Variants in CDCA2 observed in about 807,000 individuals in gnomAD.
CDCA2 encodes cell division cycle associated 2.
In CDCA2, 44 loss-of-function variants were observed where a neutral mutation model predicts 67.0. That is an observed-to-expected ratio of 0.66 (90% confidence interval 0.52 to 0.84). The LOEUF (loss-of-function observed/expected upper bound fraction) is 0.84. Ranked by LOEUF, CDCA2 falls within the 40% of genes least tolerant of loss-of-function variation. The pLI, the probability that CDCA2 is intolerant of heterozygous loss-of-function variation, is 0.00. For synonymous variants in CDCA2, 447 were observed against 418.7 expected (o/e 1.07, Z -0.82); for missense variants, 1,253 against 1,203.2 (o/e 1.04, Z -0.61).
chr8:25,498,613 A>G (rs548527889), intron 13 of CDCA2, among the ~76,000 whole-genome samples: 2 of 152,040 alleles, frequency 1.3e-5, no homozygotes, highest in Non-Finnish European at 2.9e-5. Context: ...GTTTCCCCCA[A>G]TTGTGACATC....
intron 13 of CDCA2, among the ~76,000 whole-genome samples, chr8:25,491,727 C>G (rs1416652149): frequency 6.6e-6 from 1 of 152,014 alleles, no homozygotes; most frequent in African/African-American, 2.4e-5. Context: ...AGTGATCCTC[C>G]CACCTCAGCC....
At chr8:25,468,533 G>GTGTGTGTGTC (rs1803019574) in intron 6 of CDCA2, 120 bp downstream of exon 6, 2 of 328,748 alleles carry the variant, frequency 6.1e-6, no homozygotes, top group East Asian at 7.9e-5. Flanking sequence ...GGTTCCTGGG[G>GTGTGTGTGTC]TGTGTGTGTG....
chr8:25,486,802 G>A lies in CDCA2; in HGVS notation c.1445-444G>A, dbSNP rs1803795919. On this transcript the variant is annotated intron_variant, in intron 11 of 14. Coordinates refer to ENST00000330560, the MANE Select transcript of CDCA2 (RefSeq NM_152562.4). Reference sequence around the variant, plus strand: ...TGCACTCCAGCCTGGGTGACAGAGTGAGACTCCATCTCAAAAAAAACAAGT... The same window carrying A: ...TGCACTCCAGCCTGGGTGACAGAGTAAGACTCCATCTCAAAAAAAACAAGT... Among the ~76,000 whole-genome samples, 6 of 152,012 alleles carry A rather than the reference G, an allele frequency of 3.9e-5. No homozygotes were observed. In the South Asian group the frequency reaches 1.2e-3, roughly 32 times the overall value.
At chr8:25,498,082 T>C (rs970009882) in intron 13 of CDCA2, among the ~76,000 whole-genome samples, 4 of 151,986 alleles carry the variant, frequency 2.6e-5, no homozygotes, top group South Asian at 2.1e-4. Flanking sequence ...GGAGATCTTA[T>C]TGGGGTCCTG....
At chr8:25,483,921 T>C (rs368842546) in intron 9 of CDCA2, 45 bp from the exon 10 acceptor site, 25 of 1,536,716 alleles carry the variant, frequency 1.6e-5, no homozygotes, top group Non-Finnish European at 2.0e-5. Context: ...AGATAAGAAA[T>C]ATAGCTTAAT....
chr8:25,482,326 A>G (rs1803603051), intron 8 of CDCA2, among the ~76,000 whole-genome samples: 1 of 152,208 alleles, frequency 6.6e-6, no homozygotes, highest in East Asian at 1.9e-4. Flanking sequence ...ATGTTATACC[A>G]TTTAACTGTT....
Position 25,507,013 on chromosome 8 carries a change from A to T in CDCA2, c.2347A>T (p.Met783Leu), listed in dbSNP as rs753864764. The change falls in exon 15 of 15, where the codon ATG becomes TTG. Residue 783 changes from methionine (M) to leucine (L), a missense_variant. Transcript: ENST00000330560. ...AEGKLQCNRL[M>L]PNSQKDCHCL... ...AGGAAAACTGCAATGCAATCGTTTA[A>T]TGCCTAATTCACAAAAAGACTGTCA... 6.2e-7 allele frequency: 1 copy of T among 1,614,174 alleles called. No homozygotes were observed. Among genetic ancestry groups the T allele is most frequent in the Non-Finnish European group, 8.5e-7 (1 of 1,180,002 alleles).
At chr8:25,460,590 A>G in intron 3 of CDCA2, 36 bp downstream of exon 3, 1 of 1,575,882 alleles carries the variant, frequency 6.3e-7, no homozygotes, top group Non-Finnish European at 8.6e-7. Flanking sequence ...AATGCTTTTC[A>G]AGTTTAAAAA....
chr8:25,465,211 T>G (rs1274723700), intron 4 of CDCA2, among the ~76,000 whole-genome samples: 1 of 152,170 alleles, frequency 6.6e-6, no homozygotes, highest in African/African-American at 2.4e-5. Flanking sequence ...TGACCTCAAG[T>G]GATCCTCCCA....
Position 25,466,255 on chromosome 8 carries a change from G to A in CDCA2, c.468G>A (p.Lys156=). 40 of 1,610,644 alleles carry A rather than the reference G, an allele frequency of 2.5e-5. No homozygotes were observed. The highest frequency in any genetic ancestry group is 3.4e-5 in the Non-Finnish European group (40 of 1,179,240). Residue 156 remains lysine, a synonymous_variant, in exon 5 of 15, where the codon AAG becomes AAA. Coordinates refer to ENST00000330560, the MANE Select transcript of CDCA2 (RefSeq NM_152562.4). ...TCCAGTCAGCTTTTCACTCCATAAA[G>A]GAAAACGAGAAAATGACCGGCTGTC... The part of the protein sequence containing the change: ...SAFQSAFHSI[K]ENEKMTGCLE...
intron 10 of CDCA2, among the ~76,000 whole-genome samples, chr8:25,485,181 A>G (rs1282627572): frequency 3.7e-4 from 3 of 8,044 alleles, no homozygotes; most frequent in Non-Finnish European, 5.1e-3. Flanking sequence ...AACTTAAAGT[A>G]TAATAATAAT....
At chr8:25,499,171 G>A (rs927533895) in intron 13 of CDCA2, among the ~76,000 whole-genome samples, 1 of 152,076 alleles carries the variant, frequency 6.6e-6, no homozygotes. Flanking sequence ...TTATCAGAGA[G>A]AGGGAGCTAA....
intron 13 of CDCA2, among the ~76,000 whole-genome samples, chr8:25,489,885 G>A (rs1359820028): frequency 6.6e-6 from 1 of 152,130 alleles, no homozygotes; most frequent in East Asian, 1.9e-4. Flanking sequence ...GTTCAACTAC[G>A]TACTAGACAT....
At chr8:25,462,301 C>T in intron 4 of CDCA2, 93 bp downstream of exon 4, 1 of 1,352,850 alleles carries the variant, frequency 7.4e-7, no homozygotes, top group South Asian at 1.3e-5. Flanking sequence ...TGTTTCAAAT[C>T]TGGAGGGAGA....
At chr8:25,488,828 A>T in intron 13 of CDCA2, 139 bp downstream of exon 13, 17 of 481,692 alleles carry the variant, frequency 3.5e-5, no homozygotes, top group South Asian at 5.3e-5. Context: ...GTGGAGTAGA[A>T]TGGGGTGGGG....
chr8:25,506,783 C>T lies in CDCA2; in HGVS notation c.2117C>T (p.Ala706Val). The change falls in exon 15 of 15, where the codon GCT becomes GTT. Residue 706 changes from alanine to valine, a missense_variant. Physicochemically the swap from Ala to Val is moderately conservative, Grantham distance 64 (BLOSUM62 0). Transcript: ENST00000330560. ...TCAGAAAGTGAAAATGAACCAAAAG[C>T]TGGAACTGACAGTCCTGTTTCTTGT... Reference protein sequence around the residue: ...NKSESENEPKAGTDSPVSCAS... With the variant: ...NKSESENEPKVGTDSPVSCAS... 1 of 1,613,862 alleles carries T rather than the reference C, an allele frequency of 6.2e-7. No individual in the cohort carries two copies. Among genetic ancestry groups the T allele is most frequent in the South Asian group, 1.1e-5 (1 of 91,032 alleles).
intron 3 of CDCA2, among the ~76,000 whole-genome samples, chr8:25,461,504 A>G (rs941511270): frequency 1.2e-4 from 19 of 152,190 alleles, no homozygotes; most frequent in Non-Finnish European, 2.9e-5. Context: ...GTGGCACGCC[A>G]CCCTAACTTT....
In CDCA2 at chr8:25,462,064, A is replaced by G. The variant is rs1349920135; in HGVS notation, c.243A>G (p.Ser81=). Reference sequence around the variant, plus strand: ...AGAGTTTCATTACAGGAAAGTCATCATCCTACCTTAAAAAATGTAGACGAC... The same window carrying G: ...AGAGTTTCATTACAGGAAAGTCATCGTCCTACCTTAAAAAATGTAGACGAC... ...SFVRNSAGKS[S]SYLKKCRRRS... Residue 81 remains serine (S), a synonymous_variant, in exon 4 of 15, where the codon TCA becomes TCG. Coordinates refer to ENST00000330560, the MANE Select transcript of CDCA2 (RefSeq NM_152562.4). The G allele has an allele frequency of 3.1e-5, 50 of 1,613,816 alleles. No individual in the cohort carries two copies. Among genetic ancestry groups the G allele is most frequent in the Non-Finnish European group, 4.2e-5 (50 of 1,179,696 alleles).
rs373278295 is a variant in CDCA2, at chr8:25,507,652, C to T, written c.2986C>T (p.Arg996Trp). 64 of 1,614,052 alleles carry T rather than the reference C, an allele frequency of 4.0e-5. No individual in the cohort carries two copies. In the Middle Eastern group the frequency reaches 6.6e-4, roughly 17 times the overall value. Residue 996 changes from arginine to tryptophan, a missense_variant, in exon 15 of 15, where the codon CGG becomes TGG. Physicochemically the swap from Arg to Trp is moderately radical, Grantham distance 101 (BLOSUM62 -3). Coordinates refer to ENST00000330560, the MANE Select transcript of CDCA2 (RefSeq NM_152562.4). ...AGCCACTTCCCAGTTCAAAGGCTAC[C>T]GGAGAAGATCCTCTCTTAATGGGAA... ...TKATSQFKGY[R>W]RRSSLNGKGE...
Sources: gnomAD v4.1 joint callset for allele counts (sites outside exome capture counted in the v4.1 genomes callset) on GRCh38, gnomAD v4.1.1 for gene constraint, MANE v1.5 for transcripts, NCBI Gene and HGNC (gene_info 2026-07-23, HGNC 2026-07-21) for gene names.